UBASH3B: variants seen among roughly 807,000 people sequenced by gnomAD.
UBASH3B encodes ubiquitin-associated and SH3 domain-containing protein B.
A neutral mutation model predicts 83.4 loss-of-function variants in UBASH3B; 37 were observed. The observed-to-expected ratio is 0.44, with a 90% CI of 0.34 to 0.58. UBASH3B has a LOEUF of 0.58. Ranked by LOEUF, UBASH3B falls within the 20% of genes least tolerant of loss-of-function variation. UBASH3B has a pLI of 0.01. For missense variants in UBASH3B, 657 were observed against 827.2 expected (o/e 0.79, Z 2.52); for synonymous variants, 304 against 318.3 (o/e 0.96, Z 0.48).
chr11:122,734,371 G>A (rs2135955411), intron 1 of UBASH3B, among the ~76,000 whole-genome samples: 3 of 152,270 alleles, frequency 2.0e-5, no homozygotes, highest in Admixed American at 2.0e-4. Context: ...GAGCAGACGG[G>A]GATTCCCAAG....
In UBASH3B at chr11:122,754,949, C is replaced by T. The variant is rs116098979; in HGVS notation, c.162-21270C>T. On this transcript the variant is annotated intron_variant, in intron 1 of 13. Transcript: ENST00000284273. Reference sequence around the variant, plus strand: ...CCTCCTCCTAGAGCTGCACGATAGTCAAAAGGGGTGGAAAGAAGGCTCACG... The same window carrying T: ...CCTCCTCCTAGAGCTGCACGATAGTTAAAAGGGGTGGAAAGAAGGCTCACG... 6.5e-3 allele frequency among the ~76,000 whole-genome samples: 994 copies of T among 152,252 alleles called. 10 individuals are homozygous for T. Among genetic ancestry groups the T allele is most frequent in the African/African-American group, 0.021 (884 of 41,540 alleles).
At chr11:122,805,744 G>A (rs1861330201) in intron 11 of UBASH3B, among the ~76,000 whole-genome samples, 1 of 152,128 alleles carries the variant, frequency 6.6e-6, no homozygotes, top group African/African-American at 2.4e-5. Flanking sequence ...GGCACAGCCA[G>A]GCCCCCAGGC....
chr11:122,687,136 T>A (rs577858873), intron 1 of UBASH3B, among the ~76,000 whole-genome samples: 1 of 152,318 alleles, frequency 6.6e-6, no homozygotes, highest in East Asian at 1.9e-4. Context: ...CCCAAAGTGC[T>A]GGGATTACGG....
chr11:122,762,082 G>T (rs1036976914), intron 1 of UBASH3B, among the ~76,000 whole-genome samples: 2 of 152,074 alleles, frequency 1.3e-5, no homozygotes, highest in Non-Finnish European at 1.5e-5. Context: ...GTGAGCCACC[G>T]CGCCTGGCCG....
Position 122,777,145 on chromosome 11 carries a change from C to G in UBASH3B, c.337C>G (p.Gln113Glu). ...KLSDFWQQSK[Q>E]ICGKNKAHNI... The stretch of plus-strand genomic sequence containing the variant: ...TTCCGACTTTTGGCAGCAGTCGAAG[C>G]AGATCTGCGGGAAGAACAAGGCACA... The change falls in exon 3 of 14, where the codon CAG becomes GAG. Residue 113 changes from glutamine to glutamate, a missense_variant. Transcript: ENST00000284273. 1.2e-6 allele frequency: 2 copies of G among 1,614,138 alleles called. No individual in the cohort carries two copies. The highest frequency in any genetic ancestry group is 1.7e-6 in the Non-Finnish European group (2 of 1,180,012).
chr11:122,671,848 G>A (rs1863597418), intron 1 of UBASH3B, among the ~76,000 whole-genome samples: 1 of 152,230 alleles, frequency 6.6e-6, no homozygotes, highest in Non-Finnish European at 1.5e-5. Context: ...GCTGTTTGCT[G>A]TGCAGCTGGC....
At chr11:122,768,481 T>A (rs1301787145) in intron 1 of UBASH3B, among the ~76,000 whole-genome samples, 2 of 123,852 alleles carry the variant, frequency 1.6e-5, no homozygotes, top group African/African-American at 6.3e-5. Context: ...TGTGTGTGTG[T>A]GTGTGTGTGT....
chr11:122,794,466 CA>C (rs1056672623), intron 6 of UBASH3B, among the ~76,000 whole-genome samples: 17 of 152,278 alleles, frequency 1.1e-4, no homozygotes, highest in African/African-American at 4.1e-4. Flanking sequence ...CTCGGCGTCC[CA>C]AAGTGCAGGT....
At chr11:122,673,401 C>T (rs1863625406) in intron 1 of UBASH3B, among the ~76,000 whole-genome samples, 2 of 152,178 alleles carry the variant, frequency 1.3e-5, no homozygotes, top group Non-Finnish European at 2.9e-5. Flanking sequence ...GTAATCCTAG[C>T]ACTTTGGGAG....
At chr11:122,703,546 A>G (rs1864076826) in intron 1 of UBASH3B, among the ~76,000 whole-genome samples, 1 of 152,210 alleles carries the variant, frequency 6.6e-6, no homozygotes, top group Non-Finnish European at 1.5e-5. Flanking sequence ...CAAGTCATAG[A>G]TTAGGTTTAG....
intron 6 of UBASH3B, among the ~76,000 whole-genome samples, chr11:122,794,159 C>A (rs1396941871): frequency 6.6e-6 from 1 of 152,164 alleles, no homozygotes; most frequent in Non-Finnish European, 1.5e-5. Flanking sequence ...TATATCTGTC[C>A]TCAGTGCAGA....
At chr11:122,715,963 C>G (rs1327786770) in intron 1 of UBASH3B, among the ~76,000 whole-genome samples, 1 of 152,246 alleles carries the variant, frequency 6.6e-6, no homozygotes. Context: ...GCTCCAGAAA[C>G]AGAGGAGATT....
intron 1 of UBASH3B, among the ~76,000 whole-genome samples, chr11:122,661,351 T>G (rs1248030139): frequency 6.6e-6 from 1 of 152,214 alleles, no homozygotes; most frequent in Admixed American, 6.6e-5. Context: ...AAGCGGCATG[T>G]GGAGCCCATG....
At position 122,809,769 on chromosome 11, in the gene UBASH3B, T is replaced by C. The variant is rs1861405795; in HGVS notation, c.1833T>C (p.Cys611=). 1 of 1,614,078 alleles carries C rather than the reference T, an allele frequency of 6.2e-7. No individual in the cohort carries two copies. Among genetic ancestry groups the C allele is most frequent in the African/African-American group, 1.3e-5 (1 of 74,936 alleles). The change falls in exon 14 of 14, where the codon TGT becomes TGC. Residue 611 remains cysteine (C), a synonymous_variant. Transcript: ENST00000284273. ...MVRKIPYLGF[C]SCEELGETGI... is the part of the protein sequence containing the mutation. ...TTCAGATCCCATATCTGGGATTTTGTTCCTGTGAAGAATTAGGAGAAACTG... is the reference window on the plus strand; with the variant it reads ...TTCAGATCCCATATCTGGGATTTTGCTCCTGTGAAGAATTAGGAGAAACTG...
At chr11:122,702,997 T>A (rs1203845365) in intron 1 of UBASH3B, among the ~76,000 whole-genome samples, 4 of 152,296 alleles carry the variant, frequency 2.6e-5, no homozygotes, top group African/African-American at 9.6e-5. Flanking sequence ...AATTGGACAC[T>A]CCCTCAAGAT....
chr11:122,764,622 G>C (rs765643927), intron 1 of UBASH3B, among the ~76,000 whole-genome samples: 1 of 152,230 alleles, frequency 6.6e-6, no homozygotes, highest in Non-Finnish European at 1.5e-5. Context: ...TGAAAGGTGG[G>C]ACTGAATTGC....
chr11:122,690,383 G>A (rs1863879789), intron 1 of UBASH3B, among the ~76,000 whole-genome samples: 1 of 148,902 alleles, frequency 6.7e-6, no homozygotes, highest in Non-Finnish European at 1.5e-5. Flanking sequence ...CATATAGTTA[G>A]CTCTCCATAA....
intron 1 of UBASH3B, among the ~76,000 whole-genome samples, chr11:122,666,082 T>A (rs2135894885): frequency 6.6e-6 from 1 of 152,346 alleles, no homozygotes; most frequent in African/African-American, 2.4e-5. Flanking sequence ...CATGGCAGTC[T>A]GGAAAATGCC....
rs114490095 is a variant in UBASH3B, at chr11:122,681,638, A to G, written c.161+25428A>G. Among the ~76,000 whole-genome samples, 281 of 152,230 alleles carry G rather than the reference A, an allele frequency of 1.8e-3. 1 individual carries two copies. The highest frequency in any genetic ancestry group is 6.3e-3 in the African/African-American group (262 of 41,534). ...TCTTCCACCATGACACTGGGATAGC[A>G]TGCTGTCTGCAGGGGTAATAGGCAC... On this transcript the variant is annotated intron_variant, in intron 1 of 13. Coordinates refer to ENST00000284273, the MANE Select transcript of UBASH3B (RefSeq NM_032873.5).
Sources: allele counts gnomAD v4.1 joint callset (sites outside exome capture counted in the v4.1 genomes callset), GRCh38; gene constraint gnomAD v4.1.1; transcripts MANE v1.5; gene names NCBI Gene and HGNC (gene_info 2026-07-23, HGNC 2026-07-21).